IL1RAPL1: variants seen among roughly 807,000 people sequenced by gnomAD.
IL1RAPL1 encodes interleukin-1 receptor accessory protein-like 1.
A neutral mutation model predicts 48.4 loss-of-function variants in IL1RAPL1; 3 were observed. The ratio of observed to expected loss-of-function variants is 0.06; its 90% CI spans 0.03 to 0.16. The LOEUF is 0.16. Ranked by LOEUF, IL1RAPL1 falls within the 10% of genes least tolerant of loss-of-function variation. The pLI, the probability that IL1RAPL1 is intolerant of heterozygous loss-of-function variation, is 1.00. For missense variants in IL1RAPL1, 349 were observed against 530.6 expected, an observed-to-expected ratio of 0.66 and a Z score of 3.36; for synonymous variants, 185 against 187.7, an observed-to-expected ratio of 0.99 and a Z score of 0.12.
intron 2 of IL1RAPL1, among the ~76,000 whole-genome samples, chrX:29,246,150 C>CTTTTTTTTT (rs761809643): frequency 3.8e-5 from 2 of 52,023 alleles, no homozygotes; most frequent in Admixed American, 2.8e-4. Flanking sequence ...TCTCATCGCT[C>CTTTTTTTTT]TTTTTTTTTT....
At chrX:28,775,061 G>A (rs1409877144) in intron 1 of IL1RAPL1, among the ~76,000 whole-genome samples, 3 of 111,860 alleles carry the variant, frequency 2.7e-5, no homozygotes, top group Non-Finnish European at 5.6e-5. Flanking sequence ...TACTGCATTA[G>A]CCTTCTACCT....
intron 6 of IL1RAPL1, among the ~76,000 whole-genome samples, chrX:29,908,759 TAACTTTTTAAAAA>T (rs1225452645): frequency 8.9e-6 from 1 of 112,376 alleles, no homozygotes; most frequent in African/African-American, 3.2e-5. Flanking sequence ...ATATTTAAAA[TAACTTTTTAAAAA>T]GTCAAAATAT....
At chrX:29,524,012 TA>T (rs1041408100) in intron 5 of IL1RAPL1, among the ~76,000 whole-genome samples, 2 of 109,465 alleles carry the variant, frequency 1.8e-5, no homozygotes, top group Non-Finnish European at 1.9e-5. Flanking sequence ...ATCTATAAAC[TA>T]AAAAAAAATC....
chrX:28,843,763 A>G (rs774376898), intron 2 of IL1RAPL1, among the ~76,000 whole-genome samples: 2 of 111,721 alleles, frequency 1.8e-5, no homozygotes, highest in South Asian at 7.5e-4. Context: ...TTTGTGAAGA[A>G]ACAAAAACCT....
At chrX:29,691,630 T>G (rs1926772267) in intron 6 of IL1RAPL1, among the ~76,000 whole-genome samples, 1 of 110,887 alleles carries the variant, frequency 9.0e-6, no homozygotes, top group African/African-American at 3.3e-5. Context: ...TCAGAGGAAG[T>G]GCTGATCATT....
At chrX:29,788,344 T>C (rs1314534689) in intron 6 of IL1RAPL1, among the ~76,000 whole-genome samples, 2 of 111,120 alleles carry the variant, frequency 1.8e-5, no homozygotes, top group African/African-American at 6.5e-5. Context: ...ATACATATAA[T>C]AAAAATAAAT....
intron 5 of IL1RAPL1, among the ~76,000 whole-genome samples, chrX:29,449,837 A>G (rs901297003): frequency 1.9e-5 from 2 of 106,357 alleles, no homozygotes; most frequent in Admixed American, 1.0e-4. Context: ...TTTACAAAAC[A>G]CCAGCTGTGT....
chrX:29,562,131 TATC>T (rs1922252140), intron 5 of IL1RAPL1, among the ~76,000 whole-genome samples: 1 of 92,820 alleles, frequency 1.1e-5, no homozygotes, highest in African/African-American at 4.3e-5. Context: ...TCTATCTATC[TATC>T]TATCTATCTA....
At chrX:29,508,358 T>C (rs988185513) in intron 5 of IL1RAPL1, among the ~76,000 whole-genome samples, 1 of 111,543 alleles carries the variant, frequency 9.0e-6, no homozygotes, top group African/African-American at 3.3e-5. Flanking sequence ...ACTTAACTGT[T>C]CCCAAAAAGA....
intron 2 of IL1RAPL1, among the ~76,000 whole-genome samples, chrX:28,844,961 G>A (rs986833567): frequency 2.7e-5 from 3 of 111,537 alleles, no homozygotes; most frequent in African/African-American, 6.5e-5. Context: ...CTTGTTTTAA[G>A]ATTACCTATA....
chrX:29,247,463 G>T (rs920234084), intron 2 of IL1RAPL1, among the ~76,000 whole-genome samples: 7 of 111,248 alleles, frequency 6.3e-5, no homozygotes, highest in Non-Finnish European at 1.1e-4. Context: ...TAAAAACAGG[G>T]TCAATAGTGG....
At chrX:29,934,101 G>A (rs950256107) in intron 8 of IL1RAPL1, among the ~76,000 whole-genome samples, 12 of 111,443 alleles carry the variant, frequency 1.1e-4, no homozygotes, top group African/African-American at 3.9e-4. Flanking sequence ...ATCACGTTTA[G>A]TTGGAAAAGT....
intron 2 of IL1RAPL1, among the ~76,000 whole-genome samples, chrX:29,282,517 A>G (rs1932218128): frequency 8.9e-6 from 1 of 111,921 alleles, no homozygotes; most frequent in South Asian, 3.7e-4. Context: ...CACATTGAAA[A>G]TAGGAAGCAA....
At chrX:29,071,004 T>A (rs749002747) in intron 2 of IL1RAPL1, among the ~76,000 whole-genome samples, 1 of 111,779 alleles carries the variant, frequency 8.9e-6, no homozygotes, top group African/African-American at 3.2e-5. Flanking sequence ...ACATAAAATA[T>A]ACTTTATATT....
At position 28,599,274 on chromosome X, in the gene IL1RAPL1, G is replaced by C. The variant is rs1346673294; in HGVS notation, c.-25+11227G>C. On this transcript the variant is annotated intron_variant, in intron 1 of 10. Transcript: ENST00000378993. Reference sequence around the variant, plus strand: ...CTCAAAAAAAAAAAAAAAAAATTGAGGTCAGTAGGATCACCAAGATGTTCC... The same window carrying C: ...CTCAAAAAAAAAAAAAAAAAATTGACGTCAGTAGGATCACCAAGATGTTCC... 2.4e-4 allele frequency among the ~76,000 whole-genome samples: 26 copies of C among 108,376 alleles called. No individual in the cohort carries two copies. The Admixed American group carries it at 2.6e-3, about 11-fold the overall frequency. The allele number at this position is 108,376 out of a possible 115,157, so 94.1% of individuals were successfully genotyped here. A position where few individuals can be genotyped will look rare whatever the true frequency, so the allele number is the denominator to read the frequency against.
intron 3 of IL1RAPL1, among the ~76,000 whole-genome samples, chrX:29,286,647 C>T (rs1311793368): frequency 8.9e-6 from 1 of 111,950 alleles, no homozygotes; most frequent in Non-Finnish European, 1.9e-5. Context: ...TATGATCACA[C>T]CACTGCACTT....
At chrX:28,985,180 G>T (rs751960132) in intron 2 of IL1RAPL1, among the ~76,000 whole-genome samples, 1 of 111,655 alleles carries the variant, frequency 9.0e-6, no homozygotes, top group East Asian at 2.8e-4. Context: ...TATTTGTTGA[G>T]CCTTGACTGA....
intron 2 of IL1RAPL1, among the ~76,000 whole-genome samples, chrX:29,128,910 C>T (rs1039776990): frequency 2.7e-5 from 3 of 111,099 alleles, no homozygotes; most frequent in African/African-American, 9.8e-5. Flanking sequence ...TGGATAAAGA[C>T]AATTGAATAT....
chrX:29,080,932 C>CTTTCTTTCTTTCTTTCTTTCT (rs1927792880), intron 2 of IL1RAPL1, among the ~76,000 whole-genome samples: 2 of 26,514 alleles, frequency 7.5e-5, no homozygotes, highest in East Asian at 1.6e-3. Context: ...TTTTTTCTTT[C>CTTTCTTTCTTTCTTTCTTTCT]TTTCTTTCTT....
Sources: gnomAD v4.1 joint callset for allele counts (sites outside exome capture counted in the v4.1 genomes callset) on GRCh38, gnomAD v4.1.1 for gene constraint, MANE v1.5 for transcripts, NCBI Gene and HGNC (gene_info 2026-07-23, HGNC 2026-07-21) for gene names.